Variants in TMEM62 observed in about 807,000 individuals in gnomAD.
TMEM62 encodes the protein transmembrane protein 62.
In TMEM62, 41 loss-of-function variants were observed where a neutral mutation model predicts 70.4. The ratio of observed to expected loss-of-function variants is 0.58; its 90% CI spans 0.45 to 0.76. TMEM62 has a LOEUF of 0.76. Among genes scored for constraint, TMEM62 ranks in the 30% least tolerant of loss-of-function variants. The pLI, the probability that TMEM62 is intolerant of heterozygous loss-of-function variation, is 0.00. For missense variants in TMEM62, 688 were observed against 788.5 expected (o/e 0.87, Z 1.53); for synonymous variants, 268 against 291.0 (o/e 0.92, Z 0.80).
At chr15:43,144,518 T>C (rs1019224969) in intron 4 of TMEM62, among the ~76,000 whole-genome samples, 3 of 152,154 alleles carry the variant, frequency 2.0e-5, no homozygotes, top group Non-Finnish European at 4.4e-5. Flanking sequence ...AAAAGAGATA[T>C]TGGAGTTATG....
chr15:43,178,762 C>T (rs563069964), intron 12 of TMEM62, 51 bp downstream of exon 12: 2 of 1,049,820 alleles, frequency 1.9e-6, no homozygotes, highest in African/African-American at 1.6e-5. Flanking sequence ...AATATATTAA[C>T]AATTTTGACA....
intron 8 of TMEM62, among the ~76,000 whole-genome samples, chr15:43,152,251 A>G (rs569022880): frequency 6.6e-6 from 1 of 152,272 alleles, no homozygotes; most frequent in South Asian, 2.1e-4. Flanking sequence ...CATAATGTAC[A>G]TATTCCTTTA....
At chr15:43,139,076 A>G (rs2035642423) in intron 4 of TMEM62, among the ~76,000 whole-genome samples, 1 of 152,170 alleles carries the variant, frequency 6.6e-6, no homozygotes, top group Admixed American at 6.5e-5. Context: ...GAGCAAGTCT[A>G]TGGGAGCCAT....
intron 9 of TMEM62, among the ~76,000 whole-genome samples, chr15:43,158,116 T>C (rs2038270104): frequency 6.6e-6 from 1 of 152,208 alleles, no homozygotes; most frequent in African/African-American, 2.4e-5. Context: ...TGTTCCTCTG[T>C]CCCTGTCCCC....
At chr15:43,144,527 T>C (rs527790230) in intron 4 of TMEM62, among the ~76,000 whole-genome samples, 1 of 152,326 alleles carries the variant, frequency 6.6e-6, no homozygotes, top group Non-Finnish European at 1.5e-5. Context: ...ATTGGAGTTA[T>C]GTGGACTAAA....
chr15:43,152,140 GA>G (rs1214552460), intron 8 of TMEM62, among the ~76,000 whole-genome samples, 195 bp downstream of exon 8: 1 of 152,070 alleles, frequency 6.6e-6, no homozygotes, highest in Non-Finnish European at 1.5e-5. Context: ...TTAAGCTGAT[GA>G]AATTTTAAAA....
chr15:43,133,843 C>A lies in TMEM62; in HGVS notation c.41C>A (p.Ala14Glu). ...VLALRVVAGL[A>E]AAALVAMLLE... ...GCTCTCAGGGTGGTCGCGGGGTTGG[C>A]GGCCGCAGCGCTGGTGGCCATGCTC... Residue 14 changes from alanine to glutamate, a missense_variant, in exon 1 of 14, where the codon GCG (alanine) becomes GAG (glutamate). Coordinates refer to ENST00000260403, the MANE Select transcript of TMEM62 (RefSeq NM_024956.4). 1 of 1,458,390 alleles carries A rather than the reference C, an allele frequency of 6.9e-7. No individual in the cohort carries two copies. The highest frequency in any genetic ancestry group is 9.0e-7 in the Non-Finnish European group (1 of 1,112,544). 90.3% of individuals were successfully genotyped at this position (1,458,390 alleles called of 1,614,324 possible).
intron 7 of TMEM62, among the ~76,000 whole-genome samples, chr15:43,151,552 G>A (rs1460062986): frequency 6.6e-6 from 1 of 152,296 alleles, no homozygotes; most frequent in East Asian, 1.9e-4. Context: ...CCGTGTACCA[G>A]GTGTTGTTCA....
intron 13 of TMEM62, among the ~76,000 whole-genome samples, chr15:43,182,383 T>C (rs2041419136): frequency 6.6e-6 from 1 of 152,138 alleles, no homozygotes; most frequent in African/African-American, 2.4e-5. Flanking sequence ...GTCCAGAATA[T>C]TCTCTGCATA....
chr15:43,175,658 T>G (rs1388813288), intron 11 of TMEM62, among the ~76,000 whole-genome samples: 2 of 152,200 alleles, frequency 1.3e-5, no homozygotes, highest in Non-Finnish European at 2.9e-5. Context: ...GAGTAAGAGG[T>G]TAGCTGTGCG....
At position 43,146,484 on chromosome 15, in the gene TMEM62, AT is replaced by A. The variant is rs548753280; in HGVS notation, c.477-3del. On this transcript the variant is annotated splice_polypyrimidine_tract_variant and splice_region_variant and intron_variant, in intron 4 of 13. Coordinates refer to ENST00000260403, the MANE Select transcript of TMEM62 (RefSeq NM_024956.4). ...TTACACTAACACCCTCCTGTCTTCTATTTTTTAGGAAATATTCTGCTGTACG... is the reference window on the plus strand; with the variant it reads ...TTACACTAACACCCTCCTGTCTTCTATTTTTAGGAAATATTCTGCTGTACG... 5 of 1,604,296 alleles carry A rather than the reference AT, an allele frequency of 3.1e-6. No homozygotes were observed. The African/African-American group carries it at 4.0e-5, about 13-fold the overall frequency.
At position 43,184,804 on chromosome 15, in the gene TMEM62, C is replaced by T; in HGVS notation, c.*218C>T. The T allele has an allele frequency of 1.7e-6, 1 of 575,904 alleles. No individual in the cohort carries two copies. The highest frequency in any genetic ancestry group is 3.1e-6 in the Non-Finnish European group (1 of 325,362). The allele number at this position is 575,904 out of a possible 1,614,324, so 35.7% of individuals were successfully genotyped here. ...CAAAAATAATGCCTTTATTCCTTCC[C>T]TCCCTAAGGAGGCAAAGAGTTGATT... is the stretch of plus-strand genomic sequence containing the variant. On this transcript the variant is annotated 3_prime_UTR_variant, in exon 14 of 14. Transcript: ENST00000260403.
At chr15:43,146,664 G>T (rs756233930) in intron 5 of TMEM62, 30 bp downstream of exon 5, 4 of 1,574,026 alleles carry the variant, frequency 2.5e-6, no homozygotes, top group Non-Finnish European at 3.5e-6. Flanking sequence ...TCCCTTTGTA[G>T]CTTACTTATT....
chr15:43,136,479 C>G (rs901548180), intron 3 of TMEM62, among the ~76,000 whole-genome samples: 1 of 152,166 alleles, frequency 6.6e-6, no homozygotes, highest in African/African-American at 2.4e-5. Flanking sequence ...GAGTCTCACT[C>G]TATCACCCAG....
intron 4 of TMEM62, among the ~76,000 whole-genome samples, chr15:43,139,332 C>G (rs2035687652): frequency 6.6e-6 from 1 of 152,166 alleles, no homozygotes; most frequent in Non-Finnish European, 1.5e-5. Context: ...TCCCTCTCCT[C>G]CAGCCTCCCC....
In TMEM62 at chr15:43,184,476, C is replaced by A; in HGVS notation, c.1822C>A (p.Arg608=). 1 of 1,614,094 alleles carries A rather than the reference C, an allele frequency of 6.2e-7. No homozygotes were observed. Among genetic ancestry groups the A allele is most frequent in the Non-Finnish European group, 8.5e-7 (1 of 1,180,030 alleles). ...GTLAFLFSPL[R]TWLTLLTPVL... Reference sequence around the variant, plus strand: ...CCTAGCTTTTTTATTCTCCCCTTTGCGGACCTGGTTGACACTGCTGACACC... The same window carrying A: ...CCTAGCTTTTTTATTCTCCCCTTTGAGGACCTGGTTGACACTGCTGACACC... The change falls in exon 14 of 14, where the codon CGG becomes AGG. Residue 608 remains arginine, a synonymous_variant. Coordinates refer to ENST00000260403, the MANE Select transcript of TMEM62 (RefSeq NM_024956.4).
Position 43,184,247 on chromosome 15 carries a change from T to A in TMEM62, c.1606-13T>A. The stretch of plus-strand genomic sequence containing the variant: ...AGGACTTGGGAGTAAGCTATGGTTC[T>A]GTTCTTTTCCAGCTGGCGTTTTTTA... On this transcript the variant is annotated splice_polypyrimidine_tract_variant and intron_variant, in intron 13 of 13. Transcript: ENST00000260403. The A allele has an allele frequency of 6.2e-7, 1 of 1,606,334 alleles. No homozygotes were observed. Among genetic ancestry groups the A allele is most frequent in the Non-Finnish European group, 8.5e-7 (1 of 1,175,826 alleles).
chr15:43,169,839 A>C (rs2039999155), intron 11 of TMEM62, 162 bp downstream of exon 11: 7 of 579,832 alleles, frequency 1.2e-5, no homozygotes, highest in Non-Finnish European at 2.1e-5. Flanking sequence ...AGGCAGTTGG[A>C]TTACAGTTGG....
At position 43,184,431 on chromosome 15, in the gene TMEM62, C is replaced by A; in HGVS notation, c.1777C>A (p.Leu593Ile). 6.2e-7 allele frequency: 1 copy of A among 1,614,242 alleles called. No individual in the cohort carries two copies. Among genetic ancestry groups the A allele is most frequent in the African/African-American group, 1.3e-5 (1 of 75,056 alleles). Residue 593 changes from leucine to isoleucine, a missense_variant, in exon 14 of 14, where the codon CTT (leucine) becomes ATT (isoleucine). Transcript: ENST00000260403. ...CTGGCAGGTTTATTCCTGCTACTTT[C>A]TTTATGCAACATACGGCACCCTAGC... ...YIWQVYSCYF[L>I]YATYGTLAFL...
Sources: allele counts gnomAD v4.1 joint callset (sites outside exome capture counted in the v4.1 genomes callset), GRCh38; gene constraint gnomAD v4.1.1; transcripts MANE v1.5; gene names NCBI Gene and HGNC (gene_info 2026-07-23, HGNC 2026-07-21).